NPAS3: variants seen among roughly 807,000 people sequenced by gnomAD.
NPAS3 encodes the protein neuronal PAS domain protein 3.
NPAS3 carries 14 observed loss-of-function variants against 73.1 expected under a neutral mutation model. That is an observed-to-expected ratio of 0.19 (90% CI 0.13 to 0.30). The LOEUF is 0.30. Ranked by LOEUF, NPAS3 falls within the 10% of genes least tolerant of loss-of-function variation. The pLI is 1.00. For missense variants in NPAS3, 1,096 were observed against 1,250.0 expected (o/e 0.88, Z 1.86); for synonymous variants, 620 against 541.5 (o/e 1.14, Z -2.01).
At chr14:33,532,604 G>A (rs1566978069) in intron 4 of NPAS3, among the ~76,000 whole-genome samples, 1 of 152,090 alleles carries the variant, frequency 6.6e-6, no homozygotes, top group African/African-American at 2.4e-5. Context: ...CCTGACTCTG[G>A]AAGTTCTCTC....
At chr14:33,162,698 C>T (rs900229661) in intron 2 of NPAS3, among the ~76,000 whole-genome samples, 1 of 151,844 alleles carries the variant, frequency 6.6e-6, no homozygotes, top group Non-Finnish European at 1.5e-5. Flanking sequence ...CCAAGAGGAG[C>T]GTCTACACTG....
rs79057598 is a variant in NPAS3 at position 33,022,263 on chromosome 14, C to T, written c.51-33642C>T. ...AAATAACTTGAAAAATACATTGGAG[C>T]ATATGCCTTGATTTTTGAAGAAAAA... On this transcript the variant is annotated intron_variant, in intron 1 of 11. Transcript: ENST00000356141. 1.2e-4 allele frequency among the ~76,000 whole-genome samples: 18 copies of T among 152,294 alleles called. No individual in the cohort carries two copies. The East Asian group carries it at 3.5e-3, about 29-fold the overall frequency.
At chr14:32,939,412 CG>C in intron 1 of NPAS3, 46 bp downstream of exon 1, 2 of 546,782 alleles carry the variant, frequency 3.7e-6, no homozygotes, top group African/African-American at 2.0e-5. Flanking sequence ...CCGCTGCTCC[CG>C]CCGCCGCCGC....
intron 3 of NPAS3, among the ~76,000 whole-genome samples, chr14:33,349,520 C>T (rs993903158): frequency 1.3e-5 from 2 of 152,188 alleles, no homozygotes; most frequent in African/African-American, 4.8e-5. Flanking sequence ...GGATGTCTCT[C>T]ATTCAAATTC....
intron 4 of NPAS3, among the ~76,000 whole-genome samples, chr14:33,524,211 G>T (rs1425454469): frequency 6.6e-6 from 1 of 152,042 alleles, no homozygotes. Context: ...CTCTACAACT[G>T]CATCCTGTTC....
chr14:32,968,313 G>T (rs1488498603), intron 1 of NPAS3, among the ~76,000 whole-genome samples: 1 of 152,080 alleles, frequency 6.6e-6, no homozygotes, highest in Non-Finnish European at 1.5e-5. Flanking sequence ...TAACTAATGT[G>T]TGTATATATT....
At chr14:33,231,665 T>G (rs1201320210) in intron 3 of NPAS3, among the ~76,000 whole-genome samples, 1 of 152,194 alleles carries the variant, frequency 6.6e-6, no homozygotes, top group Non-Finnish European at 1.5e-5. Flanking sequence ...CATCATTACA[T>G]TTCATTTCTT....
At chr14:33,608,324 A>AT (rs3215880) in intron 5 of NPAS3, among the ~76,000 whole-genome samples, 37,248 of 151,924 alleles carry the variant, frequency 0.25, 5,025 homozygotes, top group East Asian at 0.46. Flanking sequence ...GCATACATTG[A>AT]TTTTAGTATT....
chr14:33,397,285 A>G (rs1477015197), intron 4 of NPAS3, among the ~76,000 whole-genome samples: 5 of 152,156 alleles, frequency 3.3e-5, no homozygotes, highest in Non-Finnish European at 5.9e-5. Context: ...TTAAGCACTT[A>G]CTAAGTACTA....
intron 2 of NPAS3, chr14:33,214,489 A>G (rs990635961): frequency 1.3e-5 from 2 of 152,202 alleles, no homozygotes; most frequent in Non-Finnish European, 2.9e-5. Flanking sequence ...AATATATTTT[A>G]TTCTCTAGTA....
intron 7 of NPAS3, among the ~76,000 whole-genome samples, chr14:33,772,171 A>G (rs2062675185): frequency 6.6e-6 from 1 of 152,232 alleles, no homozygotes; most frequent in Admixed American, 6.5e-5. Context: ...ACAGAGACGT[A>G]ATAATAAAAT....
intron 3 of NPAS3, among the ~76,000 whole-genome samples, chr14:33,298,556 G>A (rs368724598): frequency 3.3e-5 from 5 of 152,042 alleles, no homozygotes; most frequent in African/African-American, 1.2e-4. Context: ...AATATTTTCA[G>A]ACCTAAAATA....
At chr14:33,560,177 C>T (rs569300919) in exon 5 of NPAS3, 28 of 870,472 alleles carry the variant, frequency 3.2e-5, no homozygotes, top group East Asian at 1.2e-4. Flanking sequence ...TGTACATTTC[C>T]GAAACAGTCT....
chr14:33,196,231 A>G (rs1375186617), intron 2 of NPAS3, among the ~76,000 whole-genome samples: 1 of 152,092 alleles, frequency 6.6e-6, no homozygotes, highest in East Asian at 1.9e-4. Context: ...AGCTCTACTT[A>G]TTTTCCAGAT....
intron 1 of NPAS3, among the ~76,000 whole-genome samples, chr14:33,013,480 A>G (rs1255350699): frequency 6.6e-6 from 1 of 152,170 alleles, no homozygotes; most frequent in Non-Finnish European, 1.5e-5. Flanking sequence ...TGTAGTACAT[A>G]CTTATTGTAT....
intron 4 of NPAS3, among the ~76,000 whole-genome samples, chr14:33,499,023 A>C (rs2052382670): frequency 7.0e-6 from 1 of 142,090 alleles, no homozygotes; most frequent in South Asian, 2.2e-4. Context: ...CTATAGATGA[A>C]AGAGACGGCT....
At chr14:33,530,444 C>T (rs2053990272) in intron 4 of NPAS3, among the ~76,000 whole-genome samples, 1 of 152,102 alleles carries the variant, frequency 6.6e-6, no homozygotes, top group Non-Finnish European at 1.5e-5. Context: ...TGTGTGATTT[C>T]AAGAGACGTT....
chr14:33,671,299 G>GC (rs200747010), intron 5 of NPAS3, among the ~76,000 whole-genome samples: 2,934 of 152,116 alleles, frequency 0.019, 117 homozygotes, highest in African/African-American at 0.068. Context: ...AGACAAATTA[G>GC]CCCCCCCATC....
chr14:33,804,101 G>A (rs1255721083), downstream of NPAS3: 1 of 151,770 alleles, frequency 6.6e-6, no homozygotes, highest in Non-Finnish European at 1.5e-5. Context: ...TCACATACAT[G>A]GTTGTCTTTA....
Sources: allele counts gnomAD v4.1 joint callset (sites outside exome capture counted in the v4.1 genomes callset), GRCh38; gene constraint gnomAD v4.1.1; transcripts MANE v1.5; gene names NCBI Gene and HGNC (gene_info 2026-07-23, HGNC 2026-07-21).